RBFOX1: variants seen among roughly 807,000 people sequenced by gnomAD.
RBFOX1 encodes RNA binding fox-1 homolog 1, also known as RNA binding protein fox-1 homolog 1.
RBFOX1 carries 8 observed loss-of-function variants against 57.7 expected under a neutral mutation model. The observed-to-expected ratio is 0.14, with a 90% CI of 0.08 to 0.25. The LOEUF (loss-of-function observed/expected upper bound fraction) is 0.25, where lower values mean the gene tolerates loss of function less well. Ranked by LOEUF, RBFOX1 falls within the 10% of genes least tolerant of loss-of-function variation. RBFOX1 has a pLI of 1.00. For missense variants in RBFOX1, 611 were observed against 548.5 expected (o/e 1.11, Z -1.14); for synonymous variants, 326 against 222.4 (o/e 1.47, Z -4.15).
intron 3 of RBFOX1, among the ~76,000 whole-genome samples, chr16:6,756,725 A>T (rs866262623): frequency 6.6e-6 from 1 of 152,034 alleles, no homozygotes; most frequent in African/African-American, 2.4e-5. Flanking sequence ...TAATCCCAAC[A>T]CTTTGGGAGG....
intron 2 of RBFOX1, among the ~76,000 whole-genome samples, chr16:6,463,084 G>A (rs1597600303): frequency 6.6e-6 from 1 of 150,684 alleles, no homozygotes; most frequent in South Asian, 2.1e-4. Context: ...AACTTAAGGA[G>A]CTATCCTTCC....
intron 2 of RBFOX1, among the ~76,000 whole-genome samples, chr16:5,510,947 G>A (rs929028284): frequency 2.0e-5 from 3 of 152,138 alleles, no homozygotes; most frequent in Admixed American, 6.5e-5. Flanking sequence ...ATTATTATCT[G>A]AATCACCTGT....
In RBFOX1 at chr16:6,977,356, C is replaced by T. The variant is rs151097791; in HGVS notation, c.-15-74701C>T. 2.6e-5 allele frequency among the ~76,000 whole-genome samples: 4 copies of T among 152,082 alleles called. No homozygotes were observed. The East Asian group carries it at 7.7e-4, about 29-fold the overall frequency. ...GATCTTTGAAGCAAAATTAGGAATG[C>T]CTTTGTTCTCTAGATACCGGGATAT... On this transcript the variant is annotated intron_variant, in intron 3 of 15. Transcript: ENST00000550418.
chr16:5,564,766 T>C (rs1009241734), intron 2 of RBFOX1, among the ~76,000 whole-genome samples: 3 of 152,162 alleles, frequency 2.0e-5, no homozygotes, highest in Non-Finnish European at 4.4e-5. Flanking sequence ...TTCATCATGG[T>C]CTTCTAGGCA....
intron 4 of RBFOX1, among the ~76,000 whole-genome samples, chr16:7,439,527 C>T (rs1352211057): frequency 4.6e-5 from 7 of 152,036 alleles, no homozygotes; most frequent in African/African-American, 1.4e-4. Flanking sequence ...CCTTGTAAGT[C>T]GATAGGAGAT....
At chr16:6,158,601 T>G (rs1013335755) in intron 1 of RBFOX1, among the ~76,000 whole-genome samples, 11 of 152,216 alleles carry the variant, frequency 7.2e-5, no homozygotes, top group African/African-American at 2.7e-4. Context: ...TTAAATTGTT[T>G]CATTAAGCAA....
intron 3 of RBFOX1, among the ~76,000 whole-genome samples, chr16:5,720,099 T>C (rs1383813087): frequency 1.3e-5 from 2 of 152,184 alleles, no homozygotes; most frequent in Non-Finnish European, 2.9e-5. Context: ...AGTTTTGGTT[T>C]TTATTCTGGC....
At chr16:7,382,266 T>G (rs1017976369) in intron 4 of RBFOX1, among the ~76,000 whole-genome samples, 1 of 152,234 alleles carries the variant, frequency 6.6e-6, no homozygotes, top group African/African-American at 2.4e-5. Context: ...CTAAATATTT[T>G]AACAGTTGAG....
intron 3 of RBFOX1, among the ~76,000 whole-genome samples, chr16:5,746,420 G>A (rs534179620): frequency 2.5e-3 from 381 of 152,234 alleles, no homozygotes; most frequent in Admixed American, 4.3e-3. Flanking sequence ...TTGGCAATGC[G>A]GGCTCTTTTT....
chr16:7,384,996 C>G (rs1196516664), intron 4 of RBFOX1, among the ~76,000 whole-genome samples: 1 of 152,106 alleles, frequency 6.6e-6, no homozygotes, highest in East Asian at 1.9e-4. Context: ...CTCGCAATGG[C>G]AAATCATGCC....
At chr16:6,334,300 G>A (rs1312057485) in intron 2 of RBFOX1, among the ~76,000 whole-genome samples, 1 of 151,946 alleles carries the variant, frequency 6.6e-6, no homozygotes, top group Non-Finnish European at 1.5e-5. Context: ...CTGAGCTCCG[G>A]AGTTTGAGAC....
Position 5,469,283 on chromosome 16 carries a change from C to T in RBFOX1, c.258+2029C>T, listed in dbSNP as rs552565471. The stretch of plus-strand genomic sequence containing the variant: ...CCTGTGCTCATTCCCCAGCACACCC[C>T]CCATGTAGACAAGTCATTTCAGGAC... On this transcript the variant is annotated intron_variant, in intron 2 of 2. Coordinates refer to the RBFOX1 transcript ENST00000585867. Among the ~76,000 whole-genome samples the T allele has an allele frequency of 2.2e-4, 33 of 152,242 alleles. No individual in the cohort carries two copies. The South Asian group carries it at 6.6e-3, about 31-fold the overall frequency.
At chr16:6,317,198 A>G (rs1175090114) in intron 2 of RBFOX1, 141 bp downstream of exon 2, 14 of 760,140 alleles carry the variant, frequency 1.8e-5, no homozygotes, top group South Asian at 1.4e-4. Flanking sequence ...CTTCTGCCCT[A>G]TTGTATCAGA....
intron 3 of RBFOX1, among the ~76,000 whole-genome samples, chr16:6,702,527 C>T (rs1211891809): frequency 6.6e-6 from 1 of 150,744 alleles, no homozygotes; most frequent in African/African-American, 2.4e-5. Flanking sequence ...GCACTCCAGT[C>T]TGGGTGACAG....
chr16:7,531,378 A>G (rs2080034421), intron 5 of RBFOX1, among the ~76,000 whole-genome samples: 1 of 152,192 alleles, frequency 6.6e-6, no homozygotes, highest in Non-Finnish European at 1.5e-5. Flanking sequence ...AAATGGTACT[A>G]CCAGCTTTCT....
chr16:6,771,446 C>T (rs2078276387), intron 3 of RBFOX1, among the ~76,000 whole-genome samples: 2 of 152,122 alleles, frequency 1.3e-5, no homozygotes, highest in South Asian at 2.1e-4. Flanking sequence ...GCATTGGTGT[C>T]TTCTTAGATA....
chr16:7,479,115 G>GTTT (rs56121631), intron 4 of RBFOX1, among the ~76,000 whole-genome samples: 11 of 144,372 alleles, frequency 7.6e-5, no homozygotes, highest in Admixed American at 6.9e-4. Flanking sequence ...ACCCAGTTTT[G>GTTT]TTTTTTTTTT....
chr16:6,713,361 C>G (rs1289487517), intron 3 of RBFOX1, among the ~76,000 whole-genome samples: 2 of 152,126 alleles, frequency 1.3e-5, no homozygotes, highest in African/African-American at 2.4e-5. Context: ...ATGCCAACCT[C>G]CACATCCCCA....
At chr16:7,377,572 A>C (rs1057272093) in intron 4 of RBFOX1, among the ~76,000 whole-genome samples, 1 of 152,198 alleles carries the variant, frequency 6.6e-6, no homozygotes, top group Non-Finnish European at 1.5e-5. Context: ...GCAGGAAAAA[A>C]TGTTTTAGAT....
Sources: gnomAD v4.1 joint callset for allele counts (sites outside exome capture counted in the v4.1 genomes callset) on GRCh38, gnomAD v4.1.1 for gene constraint, MANE v1.5 for transcripts, NCBI Gene and HGNC (gene_info 2026-07-23, HGNC 2026-07-21) for gene names.